Variants in DRAM1 observed in about 807,000 individuals in gnomAD.
DRAM1 encodes DNA damage regulated autophagy modulator 1.
In DRAM1, 25 loss-of-function variants were observed where a neutral mutation model predicts 28.5. The ratio of observed to expected loss-of-function variants is 0.88; its 90% CI spans 0.64 to 1.23. The LOEUF is 1.23. DRAM1 is among the 50% of genes most tolerant of loss of function. DRAM1 has a pLI of 0.00. For synonymous variants in DRAM1, 113 were observed against 114.2 expected (o/e 0.99, Z 0.07); for missense variants, 249 against 299.2 (o/e 0.83, Z 1.24).
intron 1 of DRAM1, among the ~76,000 whole-genome samples, chr12:101,897,271 C>T (rs907782907): frequency 6.6e-6 from 1 of 151,912 alleles, no homozygotes; most frequent in African/African-American, 2.4e-5. Flanking sequence ...ATGATCTCGG[C>T]TCACCATAAC....
At chr12:101,890,422 A>G (rs1873071711) in intron 1 of DRAM1, among the ~76,000 whole-genome samples, 1 of 25,490 alleles carries the variant, frequency 3.9e-5, no homozygotes, top group African/African-American at 6.8e-4. Context: ...CCATGTGGGG[A>G]TGGTTTCTAG....
intron 4 of DRAM1, among the ~76,000 whole-genome samples, chr12:101,912,604 GCTCT>G (rs1302863779): frequency 3.3e-5 from 5 of 152,162 alleles, no homozygotes; most frequent in African/African-American, 7.2e-5. Flanking sequence ...AATCTTCTGT[GCTCT>G]CTACTTCTTT....
intron 3 of DRAM1, among the ~76,000 whole-genome samples, chr12:101,901,855 C>T (rs1044408102): frequency 1.6e-5 from 2 of 128,740 alleles, no homozygotes; most frequent in Non-Finnish European, 3.1e-5. Flanking sequence ...CTTGACAGAG[C>T]GAGACTCTAT....
At chr12:101,896,828 C>T (rs774608280) in intron 1 of DRAM1, among the ~76,000 whole-genome samples, 11 of 151,088 alleles carry the variant, frequency 7.3e-5, no homozygotes, top group Admixed American at 3.3e-4. Flanking sequence ...ACTGTTGTTG[C>T]TTAGGCTGGA....
rs1364530945 is a variant in DRAM1 at position 101,901,202 on chromosome 12, A to C, written c.200-89A>C. 2.0e-6 allele frequency: 3 copies of C among 1,471,418 alleles called. No homozygotes were observed. In the African/African-American group the frequency reaches 4.3e-5, roughly 21 times the overall value. The allele number at this position is 1,471,418 out of a possible 1,614,324, so 91.1% of individuals were successfully genotyped here. A position where few individuals can be genotyped will look rare whatever the true frequency, so the allele number is the denominator to read the frequency against. ...AAGTGGGGAGACTTGCAATCAGTAC[A>C]TTTTTAAAAAGTGATACAAAGCTGC... On this transcript the variant is annotated intron_variant, in intron 2 of 6. Transcript: ENST00000258534.
At chr12:101,908,478 C>T (rs145300358) in intron 4 of DRAM1, 115 bp downstream of exon 4, 192 of 1,094,306 alleles carry the variant, frequency 1.8e-4, no homozygotes, top group African/African-American at 7.6e-4. Context: ...GACAGCAGGG[C>T]GGAGAGATTG....
At chr12:101,907,464 G>A (rs1424584036) in intron 3 of DRAM1, among the ~76,000 whole-genome samples, 1 of 152,088 alleles carries the variant, frequency 6.6e-6, no homozygotes, top group Non-Finnish European at 1.5e-5. Context: ...GGCAGGGTTG[G>A]GTGCGGTGGC....
rs7135515 is a variant in DRAM1, at chr12:101,921,968, G to A, written c.*708G>A. 2 of 152,040 alleles carry A rather than the reference G, an allele frequency of 1.3e-5. No individual in the cohort carries two copies. The highest frequency in any genetic ancestry group is 2.9e-5 in the Non-Finnish European group (2 of 68,020). The allele number at this position is 152,040 out of a possible 1,614,324, so 9.4% of individuals were successfully genotyped here. A position where few individuals can be genotyped will look rare whatever the true frequency, so the allele number is the denominator to read the frequency against. On this transcript the variant is annotated 3_prime_UTR_variant, in exon 7 of 7. Coordinates refer to ENST00000258534, the MANE Select transcript of DRAM1 (RefSeq NM_018370.3). ...TGCTCTTGCTGCTAATTGCCCATTCGTAGTGGGTGTAATGCCAGGTGGAAT... is the reference window on the plus strand; with the variant it reads ...TGCTCTTGCTGCTAATTGCCCATTCATAGTGGGTGTAATGCCAGGTGGAAT...
chr12:101,905,346 A>G (rs1594305221), intron 3 of DRAM1, among the ~76,000 whole-genome samples: 2 of 152,070 alleles, frequency 1.3e-5, no homozygotes, highest in African/African-American at 4.8e-5. Flanking sequence ...CAGTGGTGTG[A>G]TCATGGCTCA....
rs1057443566 is a variant in DRAM1, at chr12:101,908,270, A to G, written c.427A>G (p.Ile143Val). 23 of 1,613,956 alleles carry G rather than the reference A, an allele frequency of 1.4e-5. No homozygotes were observed. Among genetic ancestry groups the G allele is most frequent in the Non-Finnish European group, 1.7e-5 (20 of 1,180,024 alleles). ...GVVYTLLQSIISYKSCPQWNS... is the reference protein window; with the variant it reads ...GVVYTLLQSIVSYKSCPQWNS... ...CGTGTACACGCTCCTACAGTCCATC[A>G]TCTCTTACAAATCATGTCCCCAGTG... The change falls in exon 4 of 7, where the codon ATC (isoleucine) becomes GTC (valine). Residue 143 changes from isoleucine (I) to valine (V), a missense_variant. Around this residue, in one of 3 missense-constraint regions of DRAM1, gnomAD observed 218 missense variants for 243.1 expected, o/e 0.90. Coordinates refer to ENST00000258534, the MANE Select transcript of DRAM1 (RefSeq NM_018370.3).
At position 101,877,932 on chromosome 12, in the gene DRAM1, G is replaced by A. The variant is rs1313223371; in HGVS notation, c.131+12G>A. 4 of 1,522,560 alleles carry A rather than the reference G, an allele frequency of 2.6e-6. No homozygotes were observed. Among genetic ancestry groups the A allele is most frequent in the Non-Finnish European group, 3.5e-6 (4 of 1,129,922 alleles). 94.3% of individuals were successfully genotyped at this position (1,522,560 alleles called of 1,614,324 possible). A position where few individuals can be genotyped will look rare whatever the true frequency, so the allele number is the denominator to read the frequency against. On this transcript the variant is annotated intron_variant, in intron 1 of 6. Coordinates refer to ENST00000258534, the MANE Select transcript of DRAM1 (RefSeq NM_018370.3). The surrounding 1 kb of genome is among the most constrained non-coding windows in gnomAD (Gnocchi z 4.1). Reference sequence around the variant, plus strand: ...CTCCCGTATATCAGGTGAGTGGCAGGGTGGGCGTCAGGGCCCCAGGAGCAG... The same window carrying A: ...CTCCCGTATATCAGGTGAGTGGCAGAGTGGGCGTCAGGGCCCCAGGAGCAG...
chr12:101,891,116 A>G (rs1444586662), intron 1 of DRAM1, among the ~76,000 whole-genome samples: 1 of 152,216 alleles, frequency 6.6e-6, no homozygotes, highest in Admixed American at 6.5e-5. Flanking sequence ...CGTAACTAAA[A>G]GTAGCTAATA....
At chr12:101,910,377 A>G (rs1873991951) in intron 4 of DRAM1, among the ~76,000 whole-genome samples, 1 of 152,156 alleles carries the variant, frequency 6.6e-6, no homozygotes, top group Non-Finnish European at 1.5e-5. Context: ...CTTGCTTCCA[A>G]CTTCGGAAAC....
At chr12:101,903,618 G>A (rs983930118) in intron 3 of DRAM1, among the ~76,000 whole-genome samples, 1 of 152,104 alleles carries the variant, frequency 6.6e-6, no homozygotes, top group East Asian at 1.9e-4. Flanking sequence ...GCACAGTATG[G>A]TGACTATAGT....
intron 1 of DRAM1, among the ~76,000 whole-genome samples, chr12:101,883,500 G>C (rs1872764262): frequency 6.6e-6 from 1 of 151,398 alleles, no homozygotes; most frequent in Non-Finnish European, 1.5e-5. Context: ...ATTTTTAGTA[G>C]AGACGGGGTT....
At chr12:101,909,455 C>T (rs868462252) in intron 4 of DRAM1, among the ~76,000 whole-genome samples, 1 of 152,196 alleles carries the variant, frequency 6.6e-6, no homozygotes, top group South Asian at 2.1e-4. Flanking sequence ...TAGTGCTTGG[C>T]TAAAGACACC....
At chr12:101,888,757 T>A (rs1043085598) in intron 1 of DRAM1, among the ~76,000 whole-genome samples, 1 of 151,674 alleles carries the variant, frequency 6.6e-6, no homozygotes, top group Non-Finnish European at 1.5e-5. Context: ...TCTTGACTGA[T>A]GCAGGGCTGA....
chr12:101,885,023 C>T (rs547428203), intron 1 of DRAM1, among the ~76,000 whole-genome samples: 3 of 151,638 alleles, frequency 2.0e-5, no homozygotes, highest in Admixed American at 6.6e-5. Context: ...AACCTCCTGC[C>T]ACCTGGTTCA....
At chr12:101,907,216 A>AG (rs1566128609) in intron 3 of DRAM1, among the ~76,000 whole-genome samples, 1 of 140,616 alleles carries the variant, frequency 7.1e-6, no homozygotes, top group Non-Finnish European at 1.5e-5. Flanking sequence ...AAAAAAAAAA[A>AG]AAGAAGAAAA....
Sources: gnomAD v4.1 joint callset for allele counts (sites outside exome capture counted in the v4.1 genomes callset) on GRCh38, gnomAD v4.1.1 for gene constraint, gnomAD v4.1.1 regional missense constraint, Gnocchi (gnomAD v3.1) non-coding constraint, MANE v1.5 for transcripts, NCBI Gene and HGNC (gene_info 2026-07-23, HGNC 2026-07-21) for gene names.